The following PCDH15 variants were observed in gnomAD, a reference collection of about 807,000 sequenced individuals.
PCDH15 encodes the protein protocadherin-15.
In PCDH15, 129 loss-of-function variants were observed where a neutral mutation model predicts 178.5. The ratio of observed to expected loss-of-function variants is 0.72; its 90% CI spans 0.63 to 0.84. The LOEUF (loss-of-function observed/expected upper bound fraction) is 0.84. PCDH15 is among the 40% of genes least tolerant of loss of function. The probability of loss-of-function intolerance (pLI) is 0.00; values close to 1 mark genes in which losing one functional copy is unlikely to be tolerated. For missense variants in PCDH15, 2,230 were observed against 2,099.9 expected (o/e 1.06, Z -1.21); for synonymous variants, 800 against 732.0 (o/e 1.09, Z -1.50).
chr10:55,493,652 T>C (rs1840471116), intron 2 of PCDH15, among the ~76,000 whole-genome samples: 1 of 151,832 alleles, frequency 6.6e-6, no homozygotes, highest in African/African-American at 2.4e-5. Flanking sequence ...AAAAACTTAG[T>C]ATCTAGCAAA....
At chr10:55,083,656 T>C (rs76038838) in intron 2 of PCDH15, among the ~76,000 whole-genome samples, 6,216 of 151,822 alleles carry the variant, frequency 0.041, 428 homozygotes, top group African/African-American at 0.14. Context: ...ATCTTATAAG[T>C]GGGAAAAACC....
Position 54,660,918 on chromosome 10 carries a change from T to G in PCDH15, c.91+3254A>C, listed in dbSNP as rs192523986. Among the ~76,000 whole-genome samples the G allele has an allele frequency of 1.3e-3, 203 of 152,116 alleles. 1 individual carries two copies. The highest frequency in any genetic ancestry group is 2.4e-3 in the Non-Finnish European group (162 of 67,960). ...TTCAATAATATCCAATATGTCTGTA[T>G]GATAAAAACCCTCAACAAACTAGGC... On this transcript the variant is annotated intron_variant, in intron 2 of 37. Transcript: ENST00000644397.
chr10:54,253,517 TAATACTTTACAAA>T (rs2132135889), intron 8 of PCDH15, among the ~76,000 whole-genome samples: 1 of 152,168 alleles, frequency 6.6e-6, no homozygotes, highest in South Asian at 2.1e-4. Flanking sequence ...AGAGGACACA[TAATACTTTACAAA>T]ATATACCCTT....
chr10:53,816,582 AAG>A (rs1422760378), intron 34 of PCDH15, among the ~76,000 whole-genome samples: 3 of 152,200 alleles, frequency 2.0e-5, no homozygotes, highest in Non-Finnish European at 2.9e-5. Context: ...CCACAGTACA[AAG>A]AGTTATTTAT....
intron 3 of PCDH15, among the ~76,000 whole-genome samples, chr10:54,490,678 T>G (rs975801732): frequency 6.6e-6 from 1 of 152,096 alleles, no homozygotes; most frequent in Non-Finnish European, 1.5e-5. Flanking sequence ...AATCAGAATG[T>G]CTGAAGTAGA....
intron 2 of PCDH15, chr10:54,606,879 G>A (rs1246995456): frequency 6.6e-6 from 1 of 152,084 alleles, no homozygotes; most frequent in Non-Finnish European, 1.5e-5. Context: ...CTAACAGAAG[G>A]ATGAGAGAGG....
At chr10:53,820,302 C>A (rs1033105456) in intron 32 of PCDH15, 72 bp from the exon 33 acceptor site, 1 of 395,498 alleles carries the variant, frequency 2.5e-6, no homozygotes, top group Admixed American at 4.4e-5. Flanking sequence ...CTCTTGATTT[C>A]GATGAAAAGA....
intron 2 of PCDH15, among the ~76,000 whole-genome samples, chr10:55,120,541 G>T (rs540673291): frequency 6.6e-6 from 1 of 152,014 alleles, no homozygotes; most frequent in Non-Finnish European, 1.5e-5. Context: ...AAGAGATCCC[G>T]GAAATGTAAT....
In PCDH15 at chr10:54,389,717, T is replaced by A. The variant is rs533449849; in HGVS notation, c.158-10775A>T. ...ACTTTGGGAGGCCGAGGCGGGTGGA[T>A]CACTTGAAGTCAGGAGTTCAAAACC... On this transcript the variant is annotated intron_variant, in intron 3 of 37. Transcript: ENST00000644397. Among the ~76,000 whole-genome samples the A allele has an allele frequency of 2.8e-4, 42 of 149,854 alleles. No homozygotes were observed. The South Asian group carries it at 5.5e-3, about 20-fold the overall frequency.
At chr10:54,504,052 G>A (rs2080959146) in intron 3 of PCDH15, among the ~76,000 whole-genome samples, 1 of 151,950 alleles carries the variant, frequency 6.6e-6, no homozygotes, top group Non-Finnish European at 1.5e-5. Context: ...CGTTTCTCTT[G>A]GACAGCTCAC....
At chr10:54,157,578 C>T (rs2045290125) in intron 13 of PCDH15, among the ~76,000 whole-genome samples, 1 of 152,190 alleles carries the variant, frequency 6.6e-6, no homozygotes, top group Non-Finnish European at 1.5e-5. Flanking sequence ...GCTGTGAAGA[C>T]CTCTGACATG....
At chr10:55,069,827 G>A (rs1224864488) in intron 2 of PCDH15, among the ~76,000 whole-genome samples, 3 of 150,812 alleles carry the variant, frequency 2.0e-5, no homozygotes, top group African/African-American at 7.3e-5. Flanking sequence ...GGTATTTCTA[G>A]TTCTAGATCC....
chr10:55,006,100 A>T (rs7077679), intron 2 of PCDH15, among the ~76,000 whole-genome samples: 117,848 of 151,942 alleles, frequency 0.78, 45,876 homozygotes, highest in East Asian at 0.87. Context: ...TTTGGAGTAA[A>T]GAGAATGTTA....
chr10:54,934,944 C>T (rs1324625119), intron 2 of PCDH15, among the ~76,000 whole-genome samples: 1 of 151,944 alleles, frequency 6.6e-6, no homozygotes, highest in Non-Finnish European at 1.5e-5. Context: ...ATGGATGAAA[C>T]TGGAAATCAT....
chr10:54,180,722 G>A (rs2047908348), intron 13 of PCDH15, among the ~76,000 whole-genome samples: 2 of 152,080 alleles, frequency 1.3e-5, no homozygotes, highest in African/African-American at 2.4e-5. Context: ...GGTTCTTGGA[G>A]GATGTTTTAT....
chr10:54,849,322 C>A (rs1480099603), intron 3 of PCDH15, among the ~76,000 whole-genome samples: 1 of 152,114 alleles, frequency 6.6e-6, no homozygotes, highest in Non-Finnish European at 1.5e-5. Flanking sequence ...TTGAGTCAAG[C>A]CTTTGTAAGA....
At chr10:54,902,636 C>T (rs927181731) in intron 2 of PCDH15, among the ~76,000 whole-genome samples, 2 of 152,136 alleles carry the variant, frequency 1.3e-5, no homozygotes, top group Admixed American at 6.5e-5. Flanking sequence ...TTCTTTATAG[C>T]AGTGTGCAAA....
chr10:54,538,171 G>A (rs2132896630), intron 2 of PCDH15, among the ~76,000 whole-genome samples: 1 of 152,228 alleles, frequency 6.6e-6, no homozygotes, highest in East Asian at 1.9e-4. Flanking sequence ...TTGAGGACTT[G>A]CCATAAATTC....
chr10:55,480,512 T>C (rs1447311778), intron 2 of PCDH15, among the ~76,000 whole-genome samples: 1 of 151,300 alleles, frequency 6.6e-6, no homozygotes, highest in African/African-American at 2.4e-5. Flanking sequence ...TTTCAATACC[T>C]AGTTCATTTA....
Sources: allele counts gnomAD v4.1 joint callset (sites outside exome capture counted in the v4.1 genomes callset), GRCh38; gene constraint gnomAD v4.1.1; transcripts MANE v1.5; gene names NCBI Gene and HGNC (gene_info 2026-07-23, HGNC 2026-07-21).